The following CHST12 variants were observed in gnomAD, a reference collection of about 807,000 sequenced individuals.
CHST12 encodes carbohydrate (chondroitin 4) sulfotransferase 12.
In CHST12, 23 loss-of-function variants were observed where a neutral mutation model predicts 27.9. The ratio of observed to expected loss-of-function variants is 0.82; its 90% CI spans 0.59 to 1.17. The LOEUF is 1.17. CHST12 is among the 50% of genes most tolerant of loss of function. The probability of loss-of-function intolerance (pLI) is 0.00; values close to 1 mark genes in which losing one functional copy is unlikely to be tolerated. For synonymous variants in CHST12, 322 were observed against 273.0 expected (o/e 1.18, Z -1.77); for missense variants, 682 against 603.0 (o/e 1.13, Z -1.37).
At chr7:2,425,127 C>G (rs1234538245) in intron 1 of CHST12, among the ~76,000 whole-genome samples, 2 of 150,878 alleles carry the variant, frequency 1.3e-5, no homozygotes, top group Non-Finnish European at 2.9e-5. Context: ...ATCGCATGAA[C>G]CCGGGAGGCA....
In CHST12 at chr7:2,434,607, A is replaced by AAAAG. The variant is rs1782426400; in HGVS notation, c.*726_*727insGAAA. The stretch of plus-strand genomic sequence containing the variant: ...AAAAAAAAAAAAAAAAAAAAAAAAA[A>AAAAG]AAAAAAAAATGAGTCGGGTGTGGTG... On this transcript the variant is annotated 3_prime_UTR_variant, in exon 2 of 2. Transcript: ENST00000618655. 1 of 151,350 alleles carries AAAAG rather than the reference A, an allele frequency of 6.6e-6. No homozygotes were observed. Among genetic ancestry groups the AAAAG allele is most frequent in the East Asian group, 1.8e-4 (1 of 5,450 alleles). 9.4% of individuals were successfully genotyped at this position (151,350 alleles called of 1,614,324 possible). A position where few individuals can be genotyped will look rare whatever the true frequency, so the allele number is the denominator to read the frequency against.
intron 1 of CHST12, among the ~76,000 whole-genome samples, chr7:2,414,616 C>A (rs552298471): frequency 3.0e-4 from 45 of 152,244 alleles, no homozygotes; most frequent in African/African-American, 1.1e-3. Flanking sequence ...ATTTGAGAAT[C>A]CTAAGTTTTA....
rs61729409 is a variant in CHST12 at position 2,432,952 on chromosome 7, G to A, written c.313G>A (p.Asp105Asn). 5 of 1,610,774 alleles carry A rather than the reference G, an allele frequency of 3.1e-6. No individual in the cohort carries two copies. Among genetic ancestry groups the A allele is most frequent in the East Asian group, 4.5e-5 (2 of 44,806 alleles). Residue 105 changes from aspartate to asparagine, a missense_variant, in exon 2 of 2, where the codon GAC becomes AAC. Physicochemically the swap from Asp to Asn is conservative, Grantham distance 23. Transcript: ENST00000618655. ...CATGGAGGAGAGCGTGAGAGGCTAC[G>A]ACTGGTCCCCGCGCGACGCCCGGCG... ...GSMEESVRGY[D>N]WSPRDARRSP...
In CHST12 at chr7:2,433,169, A is replaced by C; in HGVS notation, c.530A>C (p.Asn177Thr). 6.2e-7 allele frequency: 1 copy of C among 1,613,064 alleles called. No homozygotes were observed. Among genetic ancestry groups the C allele is most frequent in the African/African-American group, 1.3e-5 (1 of 75,026 alleles). ...TACGTGCCCAAGGTGGCCTGCACCA[A>C]CTGGAAGCGCGTGATGATCGTGCTG... is the stretch of plus-strand genomic sequence containing the variant. ...YCYVPKVACT[N>T]WKRVMIVLSG... The change falls in exon 2 of 2, where the codon AAC becomes ACC. Residue 177 changes from asparagine (N) to threonine (T), a missense_variant. Physicochemically the swap from Asn to Thr is moderately conservative, Grantham distance 65. Coordinates refer to ENST00000618655, the MANE Select transcript of CHST12 (RefSeq NM_018641.5). This position sits in a 1 kb window ranked among gnomAD's most constrained non-coding sequence, Gnocchi z 6.1.
At position 2,442,935 on chromosome 7, in the gene CHST12, T is replaced by A. The variant is rs979104569; in HGVS notation, c.*9051T>A. 1 of 152,030 alleles carries A rather than the reference T, an allele frequency of 6.6e-6. No individual in the cohort carries two copies. Among genetic ancestry groups the A allele is most frequent in the African/African-American group, 2.4e-5 (1 of 41,360 alleles). 9.4% of individuals were successfully genotyped at this position (152,030 alleles called of 1,614,324 possible). Reference sequence around the variant, plus strand: ...GAAGTGGAACAGGTTTTTGTTTTTTTTTTCCAGACAGAGTCTTGCTCTTTC... The same window carrying A: ...GAAGTGGAACAGGTTTTTGTTTTTTATTTCCAGACAGAGTCTTGCTCTTTC... On this transcript the variant is annotated 3_prime_UTR_variant, in exon 2 of 2. Coordinates refer to ENST00000618655, the MANE Select transcript of CHST12 (RefSeq NM_018641.5).
At chr7:2,426,675 A>T (rs937100236) in intron 1 of CHST12, among the ~76,000 whole-genome samples, 4 of 152,008 alleles carry the variant, frequency 2.6e-5, no homozygotes, top group African/African-American at 4.8e-5. Flanking sequence ...ATATTAAAAA[A>T]ATATAACATA....
intron 1 of CHST12, among the ~76,000 whole-genome samples, chr7:2,412,196 ATATAGT>A (rs533949643): frequency 2.6e-5 from 4 of 152,242 alleles, no homozygotes; most frequent in Non-Finnish European, 4.4e-5. Flanking sequence ...ATACTGTCAG[ATATAGT>A]TAACTGAACA....
intron 1 of CHST12, among the ~76,000 whole-genome samples, chr7:2,419,328 A>C (rs370040763): frequency 2.9e-5 from 4 of 139,850 alleles, no homozygotes; most frequent in South Asian, 4.7e-4. Flanking sequence ...GGATCACTTG[A>C]GTGGGGAGGT....
rs1366790303 is a variant in CHST12, at chr7:2,436,258, A to G, written c.*2374A>G. ...ATCTCCAGAGCTTTCTCATCTTCCC[A>G]AACTGAAACTCTGTCCCCATTCAGC... On this transcript the variant is annotated 3_prime_UTR_variant, in exon 2 of 2. Transcript: ENST00000618655. 1 of 152,204 alleles carries G rather than the reference A, an allele frequency of 6.6e-6. No individual in the cohort carries two copies. Among genetic ancestry groups the G allele is most frequent in the Admixed American group, 6.5e-5 (1 of 15,276 alleles). 9.4% of individuals were successfully genotyped at this position (152,204 alleles called of 1,614,324 possible). A position where few individuals can be genotyped will look rare whatever the true frequency, so the allele number is the denominator to read the frequency against.
intron 1 of CHST12, among the ~76,000 whole-genome samples, chr7:2,421,066 T>A (rs1781960462): frequency 6.7e-6 from 1 of 149,726 alleles, no homozygotes; most frequent in South Asian, 2.1e-4. Flanking sequence ...CTGTGTTAAT[T>A]TTTTTTTTTG....
intron 1 of CHST12, among the ~76,000 whole-genome samples, chr7:2,422,327 C>A (rs951883859): frequency 6.6e-6 from 1 of 151,984 alleles, no homozygotes; most frequent in East Asian, 1.9e-4. Flanking sequence ...TCACTGCAAC[C>A]TCCGCCTCCC....
chr7:2,417,596 G>A (rs1190180571), intron 1 of CHST12, among the ~76,000 whole-genome samples: 1 of 151,948 alleles, frequency 6.6e-6, no homozygotes, highest in African/African-American at 2.4e-5. Flanking sequence ...TACCATGTTG[G>A]CCAGGCTAGT....
Position 2,433,452 on chromosome 7 carries a change from C to G in CHST12, c.813C>G (p.Ala271=), listed in dbSNP as rs181720113. ...ACGAGGAGTTCTACCGCAAGTTCGC[C>G]GTGCCCATGCTGCGGCTGTACGCCA... ...LENEEFYRKF[A]VPMLRLYANH... is the part of the protein sequence containing the mutation. The change falls in exon 2 of 2, where the codon GCC becomes GCG. Residue 271 remains alanine, a synonymous_variant. Transcript: ENST00000618655. This position sits in a 1 kb window ranked among gnomAD's most constrained non-coding sequence, Gnocchi z 6.1. 1.2e-6 allele frequency: 2 copies of G among 1,610,324 alleles called. No homozygotes were observed. Among genetic ancestry groups the G allele is most frequent in the Non-Finnish European group, 1.7e-6 (2 of 1,179,924 alleles).
Position 2,417,387 on chromosome 7 carries a change from C to CTTTT in CHST12, c.-78+13731_-78+13734dup, listed in dbSNP as rs769115925. On this transcript the variant is annotated intron_variant, in intron 1 of 1. Transcript: ENST00000618655. Reference sequence around the variant, plus strand: ...TACAGGTGTGCGCCACCATGTCTGACTTTTTTTTTTTTTTTTTTTTGTGAT... The same window carrying CTTTT: ...TACAGGTGTGCGCCACCATGTCTGACTTTTTTTTTTTTTTTTTTTTTTTTGTGAT... Among the ~76,000 whole-genome samples the CTTTT allele has an allele frequency of 4.9e-4, 63 of 129,674 alleles. 1 individual carries two copies. The highest frequency in any genetic ancestry group is 1.7e-3 in the African/African-American group (57 of 34,278). 85.1% of individuals were successfully genotyped at this position (129,674 alleles called of 152,430 possible). A position where few individuals can be genotyped will look rare whatever the true frequency, so the allele number is the denominator to read the frequency against.
rs184727925 is a variant in CHST12, at chr7:2,404,771, C to T, written c.-78+1098C>T. On this transcript the variant is annotated intron_variant, in intron 1 of 1. Transcript: ENST00000618655. The stretch of plus-strand genomic sequence containing the variant: ...ATGGCATAGATGTTTGATTTCCCTG[C>T]AAAGGAGTTTATGGGACTTTGGGCT... Among the ~76,000 whole-genome samples, 186 of 152,380 alleles carry T rather than the reference C, an allele frequency of 1.2e-3. 1 individual carries two copies. Among genetic ancestry groups the T allele is most frequent in the Non-Finnish European group, 2.2e-3 (150 of 68,036 alleles).
chr7:2,410,105 C>T (rs12671804), intron 1 of CHST12, among the ~76,000 whole-genome samples: 102,701 of 152,064 alleles, frequency 0.68, 34,772 homozygotes, highest in East Asian at 0.8. Context: ...CGTCGTTTTC[C>T]AAGGGGGTTT....
intron 1 of CHST12, among the ~76,000 whole-genome samples, chr7:2,412,898 GT>G (rs11330967): frequency 0.19 from 27,875 of 146,724 alleles, 2,973 homozygotes; most frequent in African/African-American, 0.31. Context: ...CAAATAGACA[GT>G]TTTTTTTTTT....
intron 1 of CHST12, among the ~76,000 whole-genome samples, chr7:2,430,472 T>C (rs1218525569): frequency 6.6e-6 from 1 of 152,104 alleles, no homozygotes; most frequent in Non-Finnish European, 1.5e-5. Context: ...CCTGCCACCA[T>C]GCCCAGCTAA....
rs1363798880 is a variant in CHST12, at chr7:2,444,965, T to C, written c.*11081T>C. 1 of 152,228 alleles carries C rather than the reference T, an allele frequency of 6.6e-6. No individual in the cohort carries two copies. Among genetic ancestry groups the C allele is most frequent in the Non-Finnish European group, 1.5e-5 (1 of 68,052 alleles). The allele number at this position is 152,228 out of a possible 1,614,324, so 9.4% of individuals were successfully genotyped here. On this transcript the variant is annotated 3_prime_UTR_variant, in exon 2 of 2. Transcript: ENST00000618655. ...ATCTGGATGAAATGGTTTTTGCCAT[T>C]TCAATTGGTTCTCTTCCAACGTGTC...
Sources: gnomAD v4.1 joint callset for allele counts (sites outside exome capture counted in the v4.1 genomes callset) on GRCh38, gnomAD v4.1.1 for gene constraint, Gnocchi (gnomAD v3.1) non-coding constraint, MANE v1.5 for transcripts, NCBI Gene and HGNC (gene_info 2026-07-23, HGNC 2026-07-21) for gene names.